The following LARP1B variants were observed in gnomAD, a reference collection of about 807,000 sequenced individuals.
LARP1B encodes the protein la-related protein 1B.
LARP1B carries 76 observed loss-of-function variants against 114.2 expected under a neutral mutation model. The ratio of observed to expected loss-of-function variants is 0.67; its 90% CI spans 0.55 to 0.81. LARP1B has a LOEUF of 0.81. LARP1B is among the 30% of genes least tolerant of loss of function. LARP1B has a pLI of 0.00. For synonymous variants in LARP1B, 345 were observed against 348.0 expected, an observed-to-expected ratio of 0.99 and a Z score of 0.10; for missense variants, 1,014 against 1,075.8, an observed-to-expected ratio of 0.94 and a Z score of 0.80.
chr4:128,162,544 C>T (rs191511632), intron 12 of LARP1B, among the ~76,000 whole-genome samples: 1 of 152,040 alleles, frequency 6.6e-6, no homozygotes, highest in East Asian at 1.9e-4. Flanking sequence ...TTTGTTGGTT[C>T]TTTATGTATC....
At chr4:128,220,056 T>G (rs967196670) in intron 6 of LARP1B, among the ~76,000 whole-genome samples, 11 of 152,078 alleles carry the variant, frequency 7.2e-5, no homozygotes, top group African/African-American at 2.4e-4. Context: ...CGGCTAATTT[T>G]TTATTTTTAA....
chr4:128,073,802 G>A (rs1326098785), intron 1 of LARP1B, among the ~76,000 whole-genome samples: 1 of 151,628 alleles, frequency 6.6e-6, no homozygotes, highest in Admixed American at 6.6e-5. Flanking sequence ...TGTTGGCCAG[G>A]CTGGTCTCAA....
At chr4:128,191,413 A>C (rs565436038) in intron 15 of LARP1B, among the ~76,000 whole-genome samples, 24 of 152,232 alleles carry the variant, frequency 1.6e-4, no homozygotes, top group Admixed American at 1.3e-3. Flanking sequence ...GTTTTCTTAG[A>C]GATTCTTTGC....
Position 128,199,421 on chromosome 4 carries a change from T to C in LARP1B, c.2004-18T>C. Reference sequence around the variant, plus strand: ...TTGATTTTTCATTTTGAAGGCTTTTTTCCCCTTTCTCAAACAGCACTTCAA... The same window carrying C: ...TTGATTTTTCATTTTGAAGGCTTTTCTCCCCTTTCTCAAACAGCACTTCAA... On this transcript the variant is annotated intron_variant, in intron 15 of 19. Coordinates refer to ENST00000326639, the MANE Select transcript of LARP1B (RefSeq NM_018078.4). 6.8e-7 allele frequency: 1 copy of C among 1,473,118 alleles called. No homozygotes were observed. The highest frequency in any genetic ancestry group is 9.1e-7 in the Non-Finnish European group (1 of 1,104,850). 91.3% of individuals were successfully genotyped at this position (1,473,118 alleles called of 1,614,324 possible).
intron 16 of LARP1B, 81 bp downstream of exon 16, chr4:128,199,680 A>C (rs1454693299): frequency 1.5e-6 from 1 of 645,926 alleles, no homozygotes; most frequent in Non-Finnish European, 2.2e-6. Flanking sequence ...GTCATTTAAT[A>C]TCAGGTTAAG....
intron 1 of LARP1B, among the ~76,000 whole-genome samples, chr4:128,071,095 G>A (rs1286218140): frequency 1.3e-5 from 2 of 151,926 alleles, no homozygotes; most frequent in African/African-American, 4.8e-5. Flanking sequence ...CGCCCAGGCT[G>A]GAGTGCAGTG....
At position 128,176,285 on chromosome 4, in the gene LARP1B, G is replaced by A. The variant is rs989831239; in HGVS notation, c.1649-587G>A. The stretch of plus-strand genomic sequence containing the variant: ...TATACACATATGTGTGTGTGTGTGT[G>A]TATATATATATATATATTTTTTTTT... On this transcript the variant is annotated intron_variant, in intron 12 of 19. Transcript: ENST00000326639. Among the ~76,000 whole-genome samples the A allele has an allele frequency of 1.0e-3, 144 of 138,288 alleles. 1 individual carries two copies. Among genetic ancestry groups the A allele is most frequent in the Admixed American group, 4.8e-3 (63 of 13,180 alleles). The allele number at this position is 138,288 out of a possible 152,430, so 90.7% of individuals were successfully genotyped here.
At chr4:128,067,509 C>T (rs897195615) in intron 1 of LARP1B, among the ~76,000 whole-genome samples, 17 of 152,142 alleles carry the variant, frequency 1.1e-4, no homozygotes, top group African/African-American at 3.6e-4. Context: ...CTTGATGCCT[C>T]GGCCCTTGTG....
In LARP1B at chr4:128,182,109, G is replaced by GC; in HGVS notation, c.2003+2599dup. Among the ~76,000 whole-genome samples, 2 of 108,368 alleles carry GC rather than the reference G, an allele frequency of 1.8e-5. 1 individual carries two copies. The highest frequency in any genetic ancestry group is 3.9e-5 in the Non-Finnish European group (2 of 51,044). 71.1% of individuals were successfully genotyped at this position (108,368 alleles called of 152,430 possible). ...TTACAGGCATGAGCCACTGCACCCG[G>GC]CCTTTTTTTTTTTTTTTTTTTTGAG... On this transcript the variant is annotated intron_variant, in intron 15 of 19. Transcript: ENST00000326639.
intron 9 of LARP1B, chr4:128,107,629 GGA>G: frequency 1.4e-6 from 2 of 1,405,352 alleles, no homozygotes; most frequent in African/African-American, 2.9e-5. Context: ...CTGTAAAATT[GGA>G]ATAGTATGAT....
In LARP1B at chr4:128,083,776, C is replaced by T. The variant is rs571053595; in HGVS notation, c.358+1471C>T. 5.9e-3 allele frequency among the ~76,000 whole-genome samples: 863 copies of T among 147,260 alleles called. 4 individuals carry two copies. Among genetic ancestry groups the T allele is most frequent in the African/African-American group, 0.021 (809 of 39,424 alleles). On this transcript the variant is annotated intron_variant, in intron 5 of 19. Transcript: ENST00000326639. ...GCAGAGGCGCCCCTCACCTCCTGGA[C>T]GGGGCGGCTGGCCGGGCGGGGGGCT...
intron 1 of LARP1B, chr4:128,062,159 C>A: frequency 4.1e-6 from 4 of 985,428 alleles, no homozygotes; most frequent in Non-Finnish European, 4.8e-6. Flanking sequence ...AAAGCCTCCC[C>A]AGCACCTGTC....
chr4:128,131,382 T>A (rs1224324529), intron 11 of LARP1B, among the ~76,000 whole-genome samples: 2 of 152,220 alleles, frequency 1.3e-5, no homozygotes, highest in Non-Finnish European at 2.9e-5. Flanking sequence ...GCTTATTTTC[T>A]TCTAAAAATT....
rs868156967 is a variant in LARP1B, at chr4:128,172,937, A to G, written c.1649-3935A>G. On this transcript the variant is annotated intron_variant, in intron 12 of 19. Transcript: ENST00000326639. ...CAGAGTCTATTTTTAATCCCATCCAATGTGTGTGTGTGTGTGTGTGTGTGT... is the reference window on the plus strand; with the variant it reads ...CAGAGTCTATTTTTAATCCCATCCAGTGTGTGTGTGTGTGTGTGTGTGTGT... Among the ~76,000 whole-genome samples, 233 of 137,096 alleles carry G rather than the reference A, an allele frequency of 1.7e-3. 2 individuals are homozygous for G. Among genetic ancestry groups the G allele is most frequent in the African/African-American group, 5.7e-3 (207 of 36,496 alleles). The allele number at this position is 137,096 out of a possible 152,430, so 89.9% of individuals were successfully genotyped here.
At chr4:128,219,358 C>T (rs1300576499) in intron 6 of LARP1B, among the ~76,000 whole-genome samples, 20 of 82,026 alleles carry the variant, frequency 2.4e-4, no homozygotes, top group Admixed American at 4.5e-4. Context: ...ATGTTTATTG[C>T]GGCATTATTC....
intron 15 of LARP1B, among the ~76,000 whole-genome samples, chr4:128,185,366 A>G (rs1222483384): frequency 6.6e-6 from 1 of 152,164 alleles, no homozygotes; most frequent in Non-Finnish European, 1.5e-5. Context: ...GATAAAAGCC[A>G]TTTTAACTGG....
intron 12 of LARP1B, among the ~76,000 whole-genome samples, chr4:128,164,149 A>G (rs1739711692): frequency 6.6e-6 from 1 of 152,048 alleles, no homozygotes; most frequent in Admixed American, 6.6e-5. Flanking sequence ...TAACATAATT[A>G]TTTATTTGCT....
At chr4:128,158,890 C>G (rs1737064722) in intron 11 of LARP1B, among the ~76,000 whole-genome samples, 1 of 152,042 alleles carries the variant, frequency 6.6e-6, no homozygotes, top group Non-Finnish European at 1.5e-5. Context: ...TAGCACAATG[C>G]TGGGCAAGGT....
chr4:128,103,126 C>G (rs907235318), intron 8 of LARP1B, among the ~76,000 whole-genome samples: 1 of 152,040 alleles, frequency 6.6e-6, no homozygotes, highest in African/African-American at 2.4e-5. Context: ...TACTGATGTA[C>G]CCAGTAACTC....
Sources: allele counts gnomAD v4.1 joint callset (sites outside exome capture counted in the v4.1 genomes callset), GRCh38; gene constraint gnomAD v4.1.1; transcripts MANE v1.5; gene names NCBI Gene and HGNC (gene_info 2026-07-23, HGNC 2026-07-21).